Variants in ENAH observed in about 807,000 individuals in gnomAD.
ENAH encodes ENAH actin regulator, also known as protein enabled homolog.
Under a neutral mutation model 78.7 loss-of-function variants are expected in ENAH, and 23 were observed. That is an observed-to-expected ratio of 0.29 (90% CI 0.21 to 0.41). The LOEUF is 0.41. Among genes scored for constraint, ENAH ranks in the 10% least tolerant of loss-of-function variants. The pLI is 1.00. For missense variants in ENAH, 544 were observed against 691.0 expected, an observed-to-expected ratio of 0.79 and a Z score of 2.39; for synonymous variants, 226 against 241.0, an observed-to-expected ratio of 0.94 and a Z score of 0.58.
At chr1:225,521,712 G>A (rs548540786) in intron 4 of ENAH, among the ~76,000 whole-genome samples, 1 of 151,574 alleles carries the variant, frequency 6.6e-6, no homozygotes, top group Admixed American at 6.6e-5. Flanking sequence ...AAGATTAAAT[G>A]AAGTAATACC....
chr1:225,615,508 T>C (rs894109908), intron 1 of ENAH, among the ~76,000 whole-genome samples: 1 of 151,896 alleles, frequency 6.6e-6, no homozygotes, highest in African/African-American at 2.4e-5. Flanking sequence ...CCGCCCATTG[T>C]CTGGGATGTG....
chr1:225,541,020 T>C (rs942372584), intron 3 of ENAH, among the ~76,000 whole-genome samples: 1 of 152,222 alleles, frequency 6.6e-6, no homozygotes, highest in African/African-American at 2.4e-5. Context: ...CGTCAAGAAC[T>C]GGCAAATCTT....
chr1:225,643,213 C>A (rs184446228), intron 1 of ENAH, among the ~76,000 whole-genome samples: 1 of 152,020 alleles, frequency 6.6e-6, no homozygotes, highest in South Asian at 2.1e-4. Flanking sequence ...CTGATTTCCA[C>A]TTTAAGAGTA....
At chr1:225,639,116 T>C (rs1243553726) in intron 1 of ENAH, among the ~76,000 whole-genome samples, 1 of 152,166 alleles carries the variant, frequency 6.6e-6, no homozygotes, top group Non-Finnish European at 1.5e-5. Context: ...CCAAAAGATG[T>C]AGGCCTTTAT....
At chr1:225,588,875 G>A (rs1421655064) in intron 1 of ENAH, among the ~76,000 whole-genome samples, 1 of 149,760 alleles carries the variant, frequency 6.7e-6, no homozygotes, top group Non-Finnish European at 1.5e-5. Context: ...CCTACCCTCT[G>A]ACAAGTCAAT....
intron 4 of ENAH, chr1:225,524,682 CCAACT>C (rs1270332988): frequency 1.2e-5 from 2 of 165,888 alleles, no homozygotes; most frequent in African/African-American, 6.4e-5. Context: ...CAACATTGTT[CCAACT>C]GCTCAGTTCT....
At chr1:225,597,648 A>G (rs1352041530) in intron 1 of ENAH, among the ~76,000 whole-genome samples, 1 of 133,358 alleles carries the variant, frequency 7.5e-6, no homozygotes, top group Non-Finnish European at 1.6e-5. Context: ...ACAGTGCAAG[A>G]GCATCTCAAA....
At chr1:225,652,585 C>A in intron 1 of ENAH, 101 bp downstream of exon 1, 2 of 1,164,354 alleles carry the variant, frequency 1.7e-6, no homozygotes, top group East Asian at 3.2e-5. Flanking sequence ...CCAGGGGAGA[C>A]GCGCCGGGCC....
intron 1 of ENAH, among the ~76,000 whole-genome samples, chr1:225,587,529 A>AAT (rs1252535583): frequency 1.3e-5 from 2 of 152,194 alleles, no homozygotes; most frequent in African/African-American, 4.8e-5. Flanking sequence ...AAACATATAC[A>AAT]ATGTTCATGG....
At position 225,574,711 on chromosome 1, in the gene ENAH, G is replaced by C. The variant is rs567410410; in HGVS notation, c.6-7297C>G. 4.5e-4 allele frequency among the ~76,000 whole-genome samples: 3 copies of C among 6,674 alleles called. 1 individual carries two copies. The highest frequency in any genetic ancestry group is 7.7e-4 in the Non-Finnish European group (3 of 3,898). The allele number at this position is 6,674 out of a possible 152,430, so 4.4% of individuals were successfully genotyped here. A position where few individuals can be genotyped will look rare whatever the true frequency, so the allele number is the denominator to read the frequency against. On this transcript the variant is annotated intron_variant, in intron 1 of 13. Coordinates refer to ENST00000366843, the MANE Select transcript of ENAH (RefSeq NM_018212.6). Reference sequence around the variant, plus strand: ...GGTCAGGAGATCGAGACCATCCTGGGTAACACAGTGAAACCCCGTCTCTAC... The same window carrying C: ...GGTCAGGAGATCGAGACCATCCTGGCTAACACAGTGAAACCCCGTCTCTAC...
intron 3 of ENAH, among the ~76,000 whole-genome samples, chr1:225,543,767 C>T (rs114258480): frequency 9.2e-4 from 140 of 152,210 alleles, no homozygotes; most frequent in African/African-American, 3.2e-3. Context: ...CAGCATCTAC[C>T]CCTTAGGAAT....
At chr1:225,537,928 A>G (rs1357696666) in intron 3 of ENAH, among the ~76,000 whole-genome samples, 2 of 152,204 alleles carry the variant, frequency 1.3e-5, no homozygotes, top group Non-Finnish European at 2.9e-5. Context: ...ATTACTGTAT[A>G]TAATTACTAC....
chr1:225,558,647 T>TC (rs1389645993), intron 2 of ENAH, among the ~76,000 whole-genome samples: 1 of 141,966 alleles, frequency 7.0e-6, no homozygotes, highest in Non-Finnish European at 1.5e-5. Context: ...TTTTTTTTTT[T>TC]TTTTGAGATG....
chr1:225,577,547 T>C (rs1193990430), intron 1 of ENAH, among the ~76,000 whole-genome samples: 1 of 152,244 alleles, frequency 6.6e-6, no homozygotes, highest in African/African-American at 2.4e-5. Flanking sequence ...TCATTCATCT[T>C]TCTGAGAAAT....
intron 1 of ENAH, among the ~76,000 whole-genome samples, chr1:225,591,813 A>G (rs1056473914): frequency 6.6e-6 from 1 of 151,514 alleles, no homozygotes; most frequent in Non-Finnish European, 1.5e-5. Flanking sequence ...TCTTTCTGAA[A>G]TGTTTAACAT....
chr1:225,545,081 G>T (rs988022918), intron 3 of ENAH, among the ~76,000 whole-genome samples: 2 of 152,094 alleles, frequency 1.3e-5, no homozygotes, highest in African/African-American at 4.8e-5. Flanking sequence ...TCCCACTTCT[G>T]GCCAGCCCTC....
chr1:225,543,330 A>G (rs1028400763), intron 3 of ENAH, among the ~76,000 whole-genome samples: 1 of 152,256 alleles, frequency 6.6e-6, no homozygotes, highest in Non-Finnish European at 1.5e-5. Context: ...AGCAAAGAGC[A>G]GGATAATATT....
At chr1:225,541,738 T>C (rs150053349) in intron 3 of ENAH, among the ~76,000 whole-genome samples, 95 of 152,358 alleles carry the variant, frequency 6.2e-4, no homozygotes, top group Non-Finnish European at 1.0e-3. Flanking sequence ...TCATGCTTCC[T>C]ATACTGCTTA....
At chr1:225,534,620 C>T (rs1278767473) in intron 3 of ENAH, among the ~76,000 whole-genome samples, 1 of 152,008 alleles carries the variant, frequency 6.6e-6, no homozygotes, top group Non-Finnish European at 1.5e-5. Flanking sequence ...TACTGTATAT[C>T]ATTTAATAAC....
Sources: gnomAD v4.1 joint callset for allele counts (sites outside exome capture counted in the v4.1 genomes callset) on GRCh38, gnomAD v4.1.1 for gene constraint, MANE v1.5 for transcripts, NCBI Gene and HGNC (gene_info 2026-07-23, HGNC 2026-07-21) for gene names.